Variants in PTPRN2 observed in about 807,000 individuals in gnomAD.
PTPRN2 encodes receptor-type tyrosine-protein phosphatase N2.
In PTPRN2, 74 loss-of-function variants were observed where a neutral mutation model predicts 118.8. That is an observed-to-expected ratio of 0.62 (90% CI 0.52 to 0.76). The LOEUF is 0.76. Among genes scored for constraint, PTPRN2 ranks in the 30% least tolerant of loss-of-function variants. The pLI, the probability that PTPRN2 is intolerant of heterozygous loss-of-function variation, is 0.00. For missense variants in PTPRN2, 1,481 were observed against 1,394.4 expected, an observed-to-expected ratio of 1.06 and a Z score of -0.99; for synonymous variants, 641 against 608.0, an observed-to-expected ratio of 1.05 and a Z score of -0.80.
intron 5 of PTPRN2, among the ~76,000 whole-genome samples, chr7:158,171,727 T>G (rs905057970): frequency 4.6e-5 from 7 of 152,156 alleles, no homozygotes; most frequent in African/African-American, 1.2e-4. Flanking sequence ...AGACTTTTTC[T>G]TCTACTCTCA....
intron 14 of PTPRN2, among the ~76,000 whole-genome samples, chr7:157,638,836 G>A (rs943135073): frequency 1.3e-5 from 2 of 152,182 alleles, no homozygotes; most frequent in African/African-American, 4.8e-5. Context: ...AAGGCCATCA[G>A]CATTAGCCGT....
rs1480279964 is a variant in PTPRN2, at chr7:157,780,487, G to A, written c.1789-97550C>T. Among the ~76,000 whole-genome samples, 1 of 152,218 alleles carries A rather than the reference G, an allele frequency of 6.6e-6. No homozygotes were observed. The highest frequency in any genetic ancestry group is 1.9e-4 in the East Asian group (1 of 5,190). On this transcript the variant is annotated intron_variant, in intron 12 of 22. Coordinates refer to ENST00000389418, the MANE Select transcript of PTPRN2 (RefSeq NM_002847.5). The surrounding 1 kb of genome is among the most constrained non-coding windows in gnomAD (Gnocchi z 4.5). ...CGGAACACGGCCCAGAGCAACTGAA[G>A]TTCGCTTGTCCCCACAGGCAGCTCG...
intron 2 of PTPRN2, among the ~76,000 whole-genome samples, chr7:158,431,895 C>T (rs145687976): frequency 4.2e-4 from 64 of 152,342 alleles, no homozygotes; most frequent in African/African-American, 1.4e-3. Context: ...TCATGTTATC[C>T]GGGACCTGCT....
Position 158,546,051 on chromosome 7 carries a change from T to C in PTPRN2, c.112+41507A>G, listed in dbSNP as rs945256125. 5.9e-5 allele frequency among the ~76,000 whole-genome samples: 9 copies of C among 152,132 alleles called. No individual in the cohort carries two copies. The highest frequency in any genetic ancestry group is 1.9e-4 in the African/African-American group (8 of 41,426). On this transcript the variant is annotated intron_variant, in intron 1 of 22. Coordinates refer to ENST00000389418, the MANE Select transcript of PTPRN2 (RefSeq NM_002847.5). The surrounding 1 kb of genome is among the most constrained non-coding windows in gnomAD (Gnocchi z 5.0). The stretch of plus-strand genomic sequence containing the variant: ...GGACTTTCAAAATTCCAGGAGGTAA[T>C]TTACCTCCAGCAAGGGCTGGAGACC...
chr7:158,204,397 A>G (rs1019820907), intron 4 of PTPRN2, among the ~76,000 whole-genome samples: 1 of 152,216 alleles, frequency 6.6e-6, no homozygotes, highest in African/African-American at 2.4e-5. Flanking sequence ...TGCTTTCCCT[A>G]TCAGATGGCC....
chr7:158,268,070 T>C (rs755368583), intron 3 of PTPRN2, among the ~76,000 whole-genome samples: 9 of 152,132 alleles, frequency 5.9e-5, no homozygotes, highest in Non-Finnish European at 1.3e-4. Context: ...TGAGCGCTCT[T>C]CAAGGCACGA....
intron 3 of PTPRN2, among the ~76,000 whole-genome samples, chr7:158,272,102 A>G (rs1798551145): frequency 6.6e-6 from 1 of 152,216 alleles, no homozygotes. Flanking sequence ...TTCCTCCTAC[A>G]ACGTGAAAAT....
intron 1 of PTPRN2, among the ~76,000 whole-genome samples, chr7:158,500,688 C>A (rs1369603912): frequency 6.6e-6 from 1 of 152,268 alleles, no homozygotes; most frequent in Non-Finnish European, 1.5e-5. Context: ...CCACCCGCTG[C>A]CTCTCACTGG....
chr7:158,148,490 C>G (rs1238471989), intron 6 of PTPRN2, among the ~76,000 whole-genome samples: 10 of 137,352 alleles, frequency 7.3e-5, no homozygotes, highest in African/African-American at 2.8e-4. Flanking sequence ...CCCCATCTCA[C>G]GCCACGTGTC....
intron 11 of PTPRN2, among the ~76,000 whole-genome samples, chr7:157,913,551 A>G (rs1290373900): frequency 2.0e-5 from 3 of 152,236 alleles, no homozygotes; most frequent in East Asian, 1.9e-4. Context: ...TAAAAAATCA[A>G]AATAAGAACA....
intron 11 of PTPRN2, among the ~76,000 whole-genome samples, chr7:157,982,165 TGAG>T (rs1179030938): frequency 3.4e-5 from 3 of 88,396 alleles, no homozygotes; most frequent in Non-Finnish European, 4.9e-5. Context: ...GTCACAGAGA[TGAG>T]GAGGGGAATG....
intron 9 of PTPRN2, among the ~76,000 whole-genome samples, chr7:158,131,696 A>G (rs1023916282): frequency 7.2e-6 from 1 of 138,254 alleles, no homozygotes; most frequent in African/African-American, 2.8e-5. Flanking sequence ...ACTCATACAC[A>G]CATGCAAATA....
In PTPRN2 at chr7:158,003,272, G is replaced by A. The variant is rs560903746; in HGVS notation, c.1723+78026C>T. The stretch of plus-strand genomic sequence containing the variant: ...TACTAAAAATACAAAAAATTAGCCG[G>A]GCGTGTTGGCGGGCGCCTGTAGTCC... On this transcript the variant is annotated intron_variant, in intron 11 of 22. Transcript: ENST00000389418. The surrounding 1 kb of genome is among the most constrained non-coding windows in gnomAD (Gnocchi z 5.0). Among the ~76,000 whole-genome samples, 606 of 151,806 alleles carry A rather than the reference G, an allele frequency of 4.0e-3. 3 individuals are homozygous for A. The highest frequency in any genetic ancestry group is 0.012 in the African/African-American group (502 of 41,374).
intron 2 of PTPRN2, among the ~76,000 whole-genome samples, chr7:158,424,222 G>A (rs924105945): frequency 1.3e-5 from 2 of 152,138 alleles, no homozygotes; most frequent in Non-Finnish European, 2.9e-5. Flanking sequence ...GCACCATCCC[G>A]TTCTGTTTTC....
intron 17 of PTPRN2, among the ~76,000 whole-genome samples, chr7:157,579,611 G>C (rs1585056996): frequency 6.6e-6 from 1 of 152,346 alleles, no homozygotes; most frequent in East Asian, 1.9e-4. Context: ...GAGCCCCGTC[G>C]ACTGGGGGGA....
intron 1 of PTPRN2, among the ~76,000 whole-genome samples, chr7:158,551,807 G>A (rs1487589745): frequency 1.0e-4 from 1 of 9,662 alleles, no homozygotes. Flanking sequence ...TCACATCAGG[G>A]GTGGGGTTCT....
chr7:158,454,685 T>C lies in PTPRN2; in HGVS notation c.163+35050A>G, dbSNP rs149073005. Among the ~76,000 whole-genome samples, 1,208 of 148,950 alleles carry C rather than the reference T, an allele frequency of 8.1e-3. 52 individuals are homozygous for C. The highest frequency in any genetic ancestry group is 0.05 in the South Asian group (233 of 4,632). On this transcript the variant is annotated intron_variant, in intron 2 of 22. Coordinates refer to ENST00000389418, the MANE Select transcript of PTPRN2 (RefSeq NM_002847.5). ...GACAAGACACAACACACACAATCAC[T>C]GATGTCAGGATTGGGGATGGTTGCT...
chr7:157,826,113 C>T (rs1426986304), intron 12 of PTPRN2, among the ~76,000 whole-genome samples: 3 of 151,638 alleles, frequency 2.0e-5, no homozygotes, highest in Non-Finnish European at 4.4e-5. Flanking sequence ...GCCATTTCCA[C>T]GCGTGCTGTG....
intron 5 of PTPRN2, among the ~76,000 whole-genome samples, chr7:158,171,143 T>TATATACACAC (rs1563554692): frequency 1.5e-5 from 1 of 64,838 alleles, no homozygotes; most frequent in African/African-American, 4.4e-5. Flanking sequence ...TATACACACA[T>TATATACACAC]ATATATACAC....
Sources: allele counts gnomAD v4.1 joint callset (sites outside exome capture counted in the v4.1 genomes callset), GRCh38; gene constraint gnomAD v4.1.1; non-coding constraint Gnocchi (gnomAD v3.1); transcripts MANE v1.5; gene names NCBI Gene and HGNC (gene_info 2026-07-23, HGNC 2026-07-21).